The following PGGT1B variants were observed in gnomAD, a reference collection of about 807,000 sequenced individuals.
PGGT1B encodes protein geranylgeranyltransferase type I subunit beta.
A neutral mutation model predicts 46.1 loss-of-function variants in PGGT1B; 30 were observed. The observed-to-expected ratio is 0.65, with a 90% CI of 0.49 to 0.88. The LOEUF is 0.88. PGGT1B is among the 40% of genes least tolerant of loss of function. PGGT1B has a pLI of 0.00. For missense variants in PGGT1B, 376 were observed against 455.9 expected, an observed-to-expected ratio of 0.82 and a Z score of 1.60; for synonymous variants, 170 against 160.0, an observed-to-expected ratio of 1.06 and a Z score of -0.47.
intron 8 of PGGT1B, among the ~76,000 whole-genome samples, chr5:115,213,741 T>C (rs1345172303): frequency 2.6e-5 from 4 of 152,136 alleles, no homozygotes; most frequent in Non-Finnish European, 5.9e-5. Context: ...CACTGCACTC[T>C]AGCCTGGGCA....
intron 2 of PGGT1B, chr5:115,252,863 C>A: frequency 3.2e-6 from 1 of 312,252 alleles, no homozygotes; most frequent in South Asian, 4.7e-5. Flanking sequence ...AAATAATCAA[C>A]AAGTAGTCAT....
chr5:115,216,382 C>T (rs1756417992), intron 8 of PGGT1B, among the ~76,000 whole-genome samples: 1 of 152,170 alleles, frequency 6.6e-6, no homozygotes, highest in Non-Finnish European at 1.5e-5. Context: ...TCAAGTGATC[C>T]ACCTGCCTTG....
intron 1 of PGGT1B, among the ~76,000 whole-genome samples, chr5:115,261,330 T>C (rs1748547760): frequency 1.3e-5 from 2 of 152,228 alleles, no homozygotes; most frequent in African/African-American, 4.8e-5. Context: ...CTGTTCATCC[T>C]TCAGGGCTCA....
intron 3 of PGGT1B, among the ~76,000 whole-genome samples, chr5:115,241,132 C>G (rs1254148908): frequency 1.3e-5 from 2 of 152,122 alleles, no homozygotes; most frequent in Non-Finnish European, 2.9e-5. Context: ...GAAATGTGAG[C>G]TAAATGTAGA....
chr5:115,256,948 T>C (rs112437604), intron 1 of PGGT1B, among the ~76,000 whole-genome samples: 193 of 152,342 alleles, frequency 1.3e-3, no homozygotes, highest in African/African-American at 4.5e-3. Context: ...CTGTTTATTC[T>C]GTTTCTTCTT....
intron 6 of PGGT1B, among the ~76,000 whole-genome samples, chr5:115,228,677 A>G (rs1481867386): frequency 6.6e-6 from 1 of 152,150 alleles, no homozygotes; most frequent in Non-Finnish European, 1.5e-5. Flanking sequence ...AGAACTATTC[A>G]GAGAAAAGAA....
Position 115,206,712 on chromosome 5 carries a change from T to C in PGGT1B, c.*5690A>G, listed in dbSNP as rs1227914257. The C allele has an allele frequency of 6.6e-6, 1 of 152,074 alleles. No individual in the cohort carries two copies. Among genetic ancestry groups the C allele is most frequent in the African/African-American group, 2.4e-5 (1 of 41,436 alleles). The allele number at this position is 152,074 out of a possible 1,614,324, so 9.4% of individuals were successfully genotyped here. On this transcript the variant is annotated 3_prime_UTR_variant, in exon 9 of 9. Coordinates refer to ENST00000419445, the MANE Select transcript of PGGT1B (RefSeq NM_005023.4). ...AATGTGGCTGTGAGATCCTTGAAAA[T>C]GTATCATTGCCTATTTGCATGTTTC...
intron 2 of PGGT1B, among the ~76,000 whole-genome samples, chr5:115,242,375 G>T (rs1415186058): frequency 6.6e-6 from 1 of 152,088 alleles, no homozygotes; most frequent in Non-Finnish European, 1.5e-5. Context: ...TAACAATGCA[G>T]TATCAGCAGA....
At chr5:115,223,302 T>C (rs545552734) in intron 6 of PGGT1B, among the ~76,000 whole-genome samples, 2 of 152,242 alleles carry the variant, frequency 1.3e-5, no homozygotes, top group South Asian at 4.1e-4. Context: ...TGTTACTTTA[T>C]ACGGAGAAAG....
chr5:115,236,756 AT>A (rs1757195857), intron 4 of PGGT1B, among the ~76,000 whole-genome samples: 1 of 152,106 alleles, frequency 6.6e-6, no homozygotes, highest in Admixed American at 6.5e-5. Context: ...ACTTCTTGGT[AT>A]TTTTACACAC....
chr5:115,231,932 A>G (rs1463525792), intron 5 of PGGT1B: 2 of 152,056 alleles, frequency 1.3e-5, no homozygotes, highest in African/African-American at 4.8e-5. Flanking sequence ...GTGCATCGCG[A>G]TCAGTGATCA....
At chr5:115,224,815 CAGAG>C (rs1424167665) in intron 6 of PGGT1B, among the ~76,000 whole-genome samples, 198 of 130,700 alleles carry the variant, frequency 1.5e-3, no homozygotes, top group African/African-American at 5.4e-3. Context: ...GCCTGGGCGA[CAGAG>C]AGAGACTATG....
At chr5:115,220,629 T>A (rs760794453) in intron 7 of PGGT1B, among the ~76,000 whole-genome samples, 4 of 151,912 alleles carry the variant, frequency 2.6e-5, no homozygotes, top group Non-Finnish European at 4.4e-5. Flanking sequence ...ACTGTGGAGC[T>A]CTTTGATTAA....
intron 3 of PGGT1B, among the ~76,000 whole-genome samples, chr5:115,239,731 T>C (rs1757293193): frequency 6.6e-6 from 1 of 152,120 alleles, no homozygotes; most frequent in Non-Finnish European, 1.5e-5. Context: ...AGAGGAGGTA[T>C]TACAGGTAGA....
intron 2 of PGGT1B, among the ~76,000 whole-genome samples, chr5:115,242,879 A>G (rs996098245): frequency 1.3e-5 from 2 of 152,122 alleles, no homozygotes; most frequent in African/African-American, 4.8e-5. Context: ...AGGCAAGAGA[A>G]TTGCTTGAAC....
chr5:115,222,886 C>T (rs1756629354), intron 6 of PGGT1B, among the ~76,000 whole-genome samples: 1 of 152,156 alleles, frequency 6.6e-6, no homozygotes, highest in Non-Finnish European at 1.5e-5. Context: ...CCAAACACCG[C>T]ATGTTCTCAC....
At position 115,221,712 on chromosome 5, in the gene PGGT1B, C is replaced by A. The variant is rs531901608; in HGVS notation, c.843+112G>T. ...GCTTTGGCAGAGCAAAAGAGAAAAT[C>A]CAGTAGCCTAAACCTAACAATATTT... On this transcript the variant is annotated intron_variant, in intron 7 of 8. Transcript: ENST00000419445. 5.5e-6 allele frequency: 3 copies of A among 548,820 alleles called. No homozygotes were observed. The East Asian group carries it at 9.9e-5, about 18-fold the overall frequency. The allele number at this position is 548,820 out of a possible 1,614,324, so 34.0% of individuals were successfully genotyped here. A position where few individuals can be genotyped will look rare whatever the true frequency, so the allele number is the denominator to read the frequency against.
At chr5:115,254,675 C>A (rs893627944) in intron 1 of PGGT1B, among the ~76,000 whole-genome samples, 5 of 150,532 alleles carry the variant, frequency 3.3e-5, no homozygotes, top group African/African-American at 1.2e-4. Flanking sequence ...CATTAGATAA[C>A]AGGAGGAGAT....
At chr5:115,226,328 T>C (rs1187250065) in intron 6 of PGGT1B, among the ~76,000 whole-genome samples, 1 of 152,092 alleles carries the variant, frequency 6.6e-6, no homozygotes, top group Non-Finnish European at 1.5e-5. Context: ...AATTGGTAAG[T>C]ATAATGCAAA....
Sources: allele counts gnomAD v4.1 joint callset (sites outside exome capture counted in the v4.1 genomes callset), GRCh38; gene constraint gnomAD v4.1.1; transcripts MANE v1.5; gene names NCBI Gene and HGNC (gene_info 2026-07-23, HGNC 2026-07-21).